The following CYP2A7 variants were observed in gnomAD, a reference collection of about 807,000 sequenced individuals.
The protein encoded by CYP2A7 is cytochrome P450 family 2 subfamily A member 7.
CYP2A7 carries 36 observed loss-of-function variants against 42.0 expected under a neutral mutation model. That is an observed-to-expected ratio of 0.86 (90% confidence interval 0.66 to 1.13). The LOEUF (loss-of-function observed/expected upper bound fraction) is 1.13. Among genes scored for constraint, CYP2A7 ranks in the 50% most tolerant of loss-of-function variants. The pLI is 0.00. For missense variants in CYP2A7, 661 were observed against 634.1 expected, an observed-to-expected ratio of 1.04 and a Z score of -0.46; for synonymous variants, 260 against 249.5, an observed-to-expected ratio of 1.04 and a Z score of -0.40.
In CYP2A7 at chr19:40,876,510, A is replaced by T; in HGVS notation, c.1303+17T>A. On this transcript the variant is annotated intron_variant, in intron 8 of 8. Coordinates refer to ENST00000301146, the MANE Select transcript of CYP2A7 (RefSeq NM_000764.3). ...CTGGTGTGAGCAGTGGCCTGGCAGC[A>T]AACAGTGGTCTCTTACCGATGGAAA... 6.2e-7 allele frequency: 1 copy of T among 1,612,730 alleles called. No individual in the cohort carries two copies. Among genetic ancestry groups the T allele is most frequent in the South Asian group, 1.1e-5 (1 of 91,016 alleles).
In CYP2A7 at chr19:40,877,319, C is replaced by T; in HGVS notation, c.1032G>A (p.Glu344=). The T allele has an allele frequency of 2.5e-6, 4 of 1,612,756 alleles. No homozygotes were observed. Among genetic ancestry groups the T allele is most frequent in the Non-Finnish European group, 2.5e-6 (3 of 1,179,132 alleles). ...CCATGTAGGGCATCTTGGTCCGGTCCTCAAACTTGGGCTGCCGGTTCTTGC... is the reference window on the plus strand; with the variant it reads ...CCATGTAGGGCATCTTGGTCCGGTCTTCAAACTTGGGCTGCCGGTTCTTGC... ...VIGKNRQPKF[E]DRTKMPYMEA... Residue 344 remains glutamate (E), a synonymous_variant, in exon 7 of 9, where the codon GAG becomes GAA. Transcript: ENST00000301146.
chr19:40,880,580 G>A lies in CYP2A7; in HGVS notation c.392C>T (p.Ala131Val). 1.9e-6 allele frequency: 3 copies of A among 1,601,006 alleles called. No homozygotes were observed. The South Asian group carries it at 3.3e-5, about 18-fold the overall frequency. ...GERAKQLLRF[A>V]IATLRDFGVG... The stretch of plus-strand genomic sequence containing the variant: ...CCCGAAGTCCCTCAGGGTGGCGATG[G>A]CAAAGCGCAGGAGCTGCTTGGCGCG... Residue 131 changes from alanine to valine, a missense_variant, in exon 3 of 9, where the codon GCC becomes GTC. Ala to Val is a moderately conservative substitution (Grantham distance 64). Transcript: ENST00000301146.
intron 8 of CYP2A7, 43 bp downstream of exon 8, chr19:40,876,484 G>T: frequency 6.2e-7 from 1 of 1,612,246 alleles, no homozygotes; most frequent in Admixed American, 1.7e-5. Context: ...GGAGGCGCCT[G>T]CTGGTGTGAG....
chr19:40,882,133 C>A lies in CYP2A7; in HGVS notation c.78G>T (p.Gln26His), dbSNP rs778935726. The change falls in exon 1 of 9, where the codon CAG becomes CAT. Residue 26 changes from glutamine to histidine, a missense_variant. By Grantham distance (24) the Gln-to-His change is conservative (BLOSUM62 0). Around this residue, in one of 3 missense-constraint regions of CYP2A7, gnomAD observed 614 missense variants for 552.4 expected, o/e 1.11. Coordinates refer to ENST00000301146, the MANE Select transcript of CYP2A7 (RefSeq NM_000764.3). Reference protein sequence around the residue: ...TVMVLMSVWQQRKSRGKLPPG... With the variant: ...TVMVLMSVWQHRKSRGKLPPG... ...GAGGCAGCTTCCCCCTGCTCTTCCT[C>A]TGCTGCCAGACAGACATCAAGACCA... The A allele has an allele frequency of 4.5e-5, 72 of 1,613,858 alleles. No individual in the cohort carries two copies. The highest frequency in any genetic ancestry group is 5.8e-5 in the Non-Finnish European group (68 of 1,179,882).
intron 8 of CYP2A7, 124 bp downstream of exon 8, chr19:40,876,403 G>A (rs1967530921): frequency 2.6e-6 from 4 of 1,513,606 alleles, no homozygotes; most frequent in Non-Finnish European, 3.7e-6. Context: ...CTGGCTCAAG[G>A]GTAGATTCTA....
In CYP2A7 at chr19:40,880,512, C is replaced by T. The variant is rs780712942; in HGVS notation, c.460G>A (p.Gly154Ser). The change falls in exon 3 of 9, where the codon GGC becomes AGC. Residue 154 changes from glycine to serine, a missense_variant. By Grantham distance (56) the Gly-to-Ser change is moderately conservative. Transcript: ENST00000301146. ...CTCCGGATGGCCTCGATGAGGAAGC[C>T]CGACTCCTCCTGGATGCGCTCCTCG... ...GIEERIQEES[G>S]FLIEAIRSTH... The T allele has an allele frequency of 1.2e-6, 2 of 1,612,476 alleles. No individual in the cohort carries two copies. Among genetic ancestry groups the T allele is most frequent in the South Asian group, 1.1e-5 (1 of 91,004 alleles).
intron 2 of CYP2A7, 30 bp downstream of exon 2, chr19:40,881,559 C>T (rs1158983478): frequency 1.2e-6 from 2 of 1,610,338 alleles, no homozygotes; most frequent in East Asian, 2.2e-5. Flanking sequence ...GTCCGCCTGG[C>T]CACCTTCCCC....
intron 2 of CYP2A7, 87 bp downstream of exon 2, chr19:40,881,502 G>A: frequency 1.9e-6 from 3 of 1,588,084 alleles, no homozygotes; most frequent in Non-Finnish European, 2.6e-6. Context: ...ATAGCCTCCA[G>A]TGGGCAGGAG....
rs760465948 is a variant in CYP2A7, at chr19:40,881,652, G to A, written c.280C>T (p.Gln94Ter). 3 of 1,613,156 alleles carry A rather than the reference G, an allele frequency of 1.9e-6. No individual in the cohort carries two copies. The highest frequency in any genetic ancestry group is 2.2e-5 in the East Asian group (1 of 44,864). Reference protein sequence around the residue: ...HDAVREALVDQAEEFSGRGEQ... With the variant: ...HDAVREALVD ...CCTCGCCCGCTGAACTCCTCAGCCT[G>A]GTCCACCAGAGCCTCCCTGACGGCA... Residue 94 changes from glutamine (Q) to a stop codon, truncating the protein, a stop_gained, in exon 2 of 9, where the codon CAG (glutamine) becomes TAG (stop). Coordinates refer to ENST00000301146, the MANE Select transcript of CYP2A7 (RefSeq NM_000764.3). LOFTEE classifies it high-confidence loss of function.
intron 7 of CYP2A7, 183 bp from the exon 8 acceptor site, chr19:40,876,851 T>A (rs1315820709): frequency 1.1e-5 from 9 of 852,488 alleles, no homozygotes; most frequent in Non-Finnish European, 1.6e-5. Flanking sequence ...ACAGGAAGTT[T>A]GGGAGACATG....
rs1256399616 is a variant in CYP2A7 at position 40,880,419 on chromosome 19, G to A, written c.493+60C>T. Reference sequence around the variant, plus strand: ...CCCCATCCGCAGGCAGAACGCGCGCGGGTTCCTCGTCCTGGGTGTTTTCCT... The same window carrying A: ...CCCCATCCGCAGGCAGAACGCGCGCAGGTTCCTCGTCCTGGGTGTTTTCCT... On this transcript the variant is annotated intron_variant, in intron 3 of 8. Transcript: ENST00000301146. The A allele has an allele frequency of 2.5e-5, 39 of 1,584,722 alleles. 2 individuals are homozygous for A. Among genetic ancestry groups the A allele is most frequent in the Non-Finnish European group, 3.1e-5 (36 of 1,161,674 alleles).
At position 40,878,554 on chromosome 19, in the gene CYP2A7, T is replaced by C. The variant is rs916039626; in HGVS notation, c.831+206A>G. 3.1e-4 allele frequency among the ~76,000 whole-genome samples: 47 copies of C among 151,758 alleles called. 1 individual carries two copies. Among genetic ancestry groups the C allele is most frequent in the East Asian group, 1.4e-3 (7 of 5,184 alleles). ...TTGACCATGTTGGCCAGGCTGGTCT[T>C]GAACTCCTGACCTCAGGTGATCCAC... On this transcript the variant is annotated intron_variant, in intron 5 of 8. Transcript: ENST00000301146.
At position 40,880,104 on chromosome 19, in the gene CYP2A7, T is replaced by A. The variant is rs1246724224; in HGVS notation, c.634A>T (p.Thr212Ser). Reference sequence around the variant, plus strand: ...GTTACCTGCCCCGTGGAGGTTGACGTGAACTGGAAGATTCCTAGCATCATG... The same window carrying A: ...GTTACCTGCCCCGTGGAGGTTGACGAGAACTGGAAGATTCCTAGCATCATG... Reference protein sequence around the residue: ...LSMMLGIFQFTSTSTGQLYEM... With the variant: ...LSMMLGIFQFSSTSTGQLYEM... The change falls in exon 4 of 9, where the codon ACG (threonine) becomes TCG (serine). Residue 212 changes from threonine (T) to serine (S), a missense_variant. Coordinates refer to ENST00000301146, the MANE Select transcript of CYP2A7 (RefSeq NM_000764.3). 6.2e-7 allele frequency: 1 copy of A among 1,612,868 alleles called. No individual in the cohort carries two copies. Among genetic ancestry groups the A allele is most frequent in the South Asian group, 1.1e-5 (1 of 91,014 alleles).
Position 40,877,330 on chromosome 19 carries a change from G to C in CYP2A7, c.1021C>G (p.Pro341Ala). The C allele has an allele frequency of 6.2e-7, 1 of 1,612,770 alleles. No homozygotes were observed. Reference protein sequence around the residue: ...IDRVIGKNRQPKFEDRTKMPY... With the variant: ...IDRVIGKNRQAKFEDRTKMPY... ...ATCTTGGTCCGGTCCTCAAACTTGG[G>C]CTGCCGGTTCTTGCCGATCACTCTG... Residue 341 changes from proline to alanine, a missense_variant, in exon 7 of 9, where the codon CCC becomes GCC. Pro to Ala is a conservative substitution (Grantham distance 27). Coordinates refer to ENST00000301146, the MANE Select transcript of CYP2A7 (RefSeq NM_000764.3).
chr19:40,881,797 T>C lies in CYP2A7; in HGVS notation c.181-46A>G, dbSNP rs372542387. On this transcript the variant is annotated intron_variant, in intron 1 of 8. Coordinates refer to ENST00000301146, the MANE Select transcript of CYP2A7 (RefSeq NM_000764.3). ...TGGTTAGAGGGAGCAGCCCCCACTC[T>C]GAATGGGGCCCAGCACCGAGATGTC... 3.1e-6 allele frequency: 5 copies of C among 1,599,268 alleles called. No individual in the cohort carries two copies. In the African/African-American group the frequency reaches 5.4e-5, roughly 17 times the overall value.
rs938729772 is a variant in CYP2A7, at chr19:40,878,127, G to A, written c.832-134C>T. The A allele has an allele frequency of 1.5e-5, 15 of 994,706 alleles. No homozygotes were observed. The African/African-American group carries it at 1.8e-4, about 12-fold the overall frequency. 61.6% of individuals were successfully genotyped at this position (994,706 alleles called of 1,614,324 possible). ...GAGGGACCCTAGATCTACCAGACTC[G>A]CTCTAGGTTCCAGCCCTTGCCCTGG... On this transcript the variant is annotated intron_variant, in intron 5 of 8. Transcript: ENST00000301146.
In CYP2A7 at chr19:40,880,611, C is replaced by T. The variant is rs376282662; in HGVS notation, c.361G>A (p.Gly121Arg). Residue 121 changes from glycine (G) to arginine (R), a missense_variant, in exon 3 of 9, where the codon GGG becomes AGG. Around this residue, in one of 3 missense-constraint regions of CYP2A7, gnomAD observed 614 missense variants for 552.4 expected, o/e 1.11. Transcript: ENST00000301146. ...FKGYGVAFSN[G>R]ERAKQLLRFA... ...CGCAGGAGCTGCTTGGCGCGCTCCC[C>T]GTTGCTGAACGCCACGCCTGGGGAG... 5.2e-6 allele frequency: 8 copies of T among 1,546,584 alleles called. No homozygotes were observed. Among genetic ancestry groups the T allele is most frequent in the South Asian group, 1.1e-5 (1 of 86,966 alleles).
chr19:40,880,411 A>G (rs545608187), intron 3 of CYP2A7, 68 bp downstream of exon 3: 2 of 1,577,358 alleles, frequency 1.3e-6, no homozygotes, highest in Non-Finnish European at 1.7e-6. Flanking sequence ...CGCAGGCAGA[A>G]CGCGCGCGGG....
rs771149380 is a variant in CYP2A7, at chr19:40,876,548, C to T, written c.1282G>A (p.Ala428Thr). 5.6e-6 allele frequency: 9 copies of T among 1,612,896 alleles called. No homozygotes were observed. The highest frequency in any genetic ancestry group is 7.6e-6 in the Non-Finnish European group (9 of 1,179,258). The change falls in exon 8 of 9, where the codon GCT becomes ACT. Residue 428 changes from alanine (A) to threonine (T), a missense_variant. Coordinates refer to ENST00000301146, the MANE Select transcript of CYP2A7 (RefSeq NM_000764.3). The part of the protein sequence containing the change: ...DDKGQFKKSD[A>T]FVPFSIGKRN... ...TTACCGATGGAAAAGGGCACAAAAG[C>T]ATCACTCTTCTTAAACTGCCCCTTG...
Sources: gnomAD v4.1 joint callset for allele counts (sites outside exome capture counted in the v4.1 genomes callset) on GRCh38, gnomAD v4.1.1 for gene constraint, gnomAD v4.1.1 regional missense constraint, MANE v1.5 for transcripts, NCBI Gene and HGNC (gene_info 2026-07-23, HGNC 2026-07-21) for gene names.